Variants in DCC observed in about 807,000 individuals in gnomAD.
The protein encoded by DCC is DCC netrin 1 receptor.
Under a neutral mutation model 172.5 loss-of-function variants are expected in DCC, and 58 were observed. The ratio of observed to expected loss-of-function variants is 0.34; its 90% confidence interval spans 0.27 to 0.42. The LOEUF is 0.42. Ranked by LOEUF, DCC falls within the 10% of genes least tolerant of loss-of-function variation. The pLI, the probability that DCC is intolerant of heterozygous loss-of-function variation, is 1.00. For missense variants in DCC, 1,740 were observed against 1,791.0 expected, an observed-to-expected ratio of 0.97 and a Z score of 0.51; for synonymous variants, 709 against 644.5, an observed-to-expected ratio of 1.10 and a Z score of -1.52.
chr18:52,575,757 T>A (rs2033394321), intron 1 of DCC, among the ~76,000 whole-genome samples: 1 of 152,188 alleles, frequency 6.6e-6, no homozygotes, highest in South Asian at 2.1e-4. Flanking sequence ...GAAATTTCGT[T>A]GTAATTTATT....
intron 1 of DCC, among the ~76,000 whole-genome samples, chr18:52,711,830 C>A (rs760577678): frequency 5.9e-5 from 9 of 152,192 alleles, no homozygotes; most frequent in Non-Finnish European, 1.2e-4. Context: ...ACCTGCTTTG[C>A]TAACAATGCC....
At chr18:53,327,690 G>T (rs749223529) in intron 14 of DCC, among the ~76,000 whole-genome samples, 1 of 152,104 alleles carries the variant, frequency 6.6e-6, no homozygotes, top group Non-Finnish European at 1.5e-5. Flanking sequence ...TAATAAATGG[G>T]TTCGCTGCAA....
At chr18:53,304,482 A>T (rs940916648) in intron 12 of DCC, among the ~76,000 whole-genome samples, 1 of 152,176 alleles carries the variant, frequency 6.6e-6, no homozygotes, top group African/African-American at 2.4e-5. Flanking sequence ...GGAAGAAGAC[A>T]TGGGTAGCTC....
intron 19 of DCC, among the ~76,000 whole-genome samples, 181 bp downstream of exon 19, chr18:53,403,074 G>GCGCA (rs1909422940): frequency 6.9e-6 from 1 of 145,804 alleles, no homozygotes; most frequent in African/African-American, 2.6e-5. Context: ...TTCTAATGGT[G>GCGCA]CACACACACA....
intron 9 of DCC, among the ~76,000 whole-genome samples, chr18:53,193,485 AT>A (rs33938769): frequency 0.23 from 35,352 of 151,492 alleles, 6,836 homozygotes; most frequent in African/African-American, 0.54. Context: ...AGCACTGCCC[AT>A]TTTTTTTTAA....
intron 5 of DCC, among the ~76,000 whole-genome samples, chr18:52,939,698 A>T (rs928529168): frequency 1.3e-5 from 2 of 152,178 alleles, no homozygotes; most frequent in African/African-American, 4.8e-5. Context: ...CACTTTAAAG[A>T]TGAAGAAATT....
intron 1 of DCC, among the ~76,000 whole-genome samples, chr18:52,575,630 G>A (rs527283933): frequency 3.9e-5 from 6 of 151,968 alleles, no homozygotes; most frequent in Admixed American, 1.3e-4. Flanking sequence ...TAGAAAAATC[G>A]CACTCATAGT....
At chr18:53,031,198 G>T (rs1474094989) in intron 5 of DCC, among the ~76,000 whole-genome samples, 1 of 152,174 alleles carries the variant, frequency 6.6e-6, no homozygotes, top group Non-Finnish European at 1.5e-5. Context: ...GGCAGAGGTT[G>T]CAGTGAGCTG....
chr18:52,825,576 G>A (rs963334896), intron 2 of DCC, among the ~76,000 whole-genome samples: 8 of 152,060 alleles, frequency 5.3e-5, no homozygotes, highest in Admixed American at 5.2e-4. Context: ...GACAATGGAT[G>A]CAAAAAGTAC....
At chr18:52,824,337 G>T (rs2038466433) in intron 2 of DCC, among the ~76,000 whole-genome samples, 1 of 152,170 alleles carries the variant, frequency 6.6e-6, no homozygotes, top group African/African-American at 2.4e-5. Context: ...AACAGTGGTT[G>T]GAAAACATGA....
rs187415461 is a variant in DCC, at chr18:52,568,450, A to G, written c.92-183604A>G. Among the ~76,000 whole-genome samples, 3 of 152,322 alleles carry G rather than the reference A, an allele frequency of 2.0e-5. No homozygotes were observed. In the East Asian group the frequency reaches 5.8e-4, roughly 29 times the overall value. On this transcript the variant is annotated intron_variant, in intron 1 of 28. Transcript: ENST00000442544. ...AAAAACAAAAGATAAAAATGAAAAA[A>G]TGGTGACTCTTTACAGAGTTGTTAA...
chr18:52,991,304 G>C (rs970190216), intron 5 of DCC, among the ~76,000 whole-genome samples: 1 of 152,038 alleles, frequency 6.6e-6, no homozygotes, highest in Non-Finnish European at 1.5e-5. Flanking sequence ...TTAGCAGTCT[G>C]CAAACTTTTT....
At chr18:52,720,760 G>T (rs1364642139) in intron 1 of DCC, among the ~76,000 whole-genome samples, 1 of 152,208 alleles carries the variant, frequency 6.6e-6, no homozygotes, top group Non-Finnish European at 1.5e-5. Flanking sequence ...AGCTCTTCCT[G>T]TGTGGTTACC....
intron 1 of DCC, among the ~76,000 whole-genome samples, chr18:52,649,422 G>A (rs1402072423): frequency 3.1e-5 from 4 of 129,824 alleles, no homozygotes; most frequent in Non-Finnish European, 7.0e-5. Flanking sequence ...AGATTAATGA[G>A]ATTATATCTT....
chr18:53,211,903 C>T (rs187746405), intron 11 of DCC, among the ~76,000 whole-genome samples: 1 of 151,916 alleles, frequency 6.6e-6, no homozygotes, highest in East Asian at 1.9e-4. Context: ...TAAAAGTTAG[C>T]CAGGTATGGT....
chr18:52,572,017 A>G (rs1249278835), intron 1 of DCC, among the ~76,000 whole-genome samples: 1 of 152,256 alleles, frequency 6.6e-6, no homozygotes, highest in Non-Finnish European at 1.5e-5. Context: ...TATATGTTAC[A>G]TGGAATACAA....
At chr18:52,505,158 C>G (rs1023109708) in intron 1 of DCC, among the ~76,000 whole-genome samples, 2 of 152,076 alleles carry the variant, frequency 1.3e-5, no homozygotes, top group African/African-American at 4.8e-5. Flanking sequence ...TTAAGTTTGT[C>G]GAAATTATCA....
chr18:52,370,038 A>G (rs1189810456), intron 1 of DCC, among the ~76,000 whole-genome samples: 1 of 152,240 alleles, frequency 6.6e-6, no homozygotes, highest in Non-Finnish European at 1.5e-5. Flanking sequence ...TAATTAATTT[A>G]CACTCCCACT....
intron 1 of DCC, among the ~76,000 whole-genome samples, chr18:52,567,995 T>C (rs1003105374): frequency 2.0e-5 from 3 of 152,168 alleles, no homozygotes; most frequent in African/African-American, 7.2e-5. Flanking sequence ...GTCTGTAGTT[T>C]AGTTTGTCAT....
Sources: allele counts gnomAD v4.1 joint callset (sites outside exome capture counted in the v4.1 genomes callset), GRCh38; gene constraint gnomAD v4.1.1; transcripts MANE v1.5; gene names NCBI Gene and HGNC (gene_info 2026-07-23, HGNC 2026-07-21).